SH3RF1: variants seen among roughly 807,000 people sequenced by gnomAD.
SH3RF1 encodes the protein SH3 domain containing ring finger 1.
In SH3RF1, 32 loss-of-function variants were observed where a neutral mutation model predicts 74.0. That is an observed-to-expected ratio of 0.43 (90% confidence interval 0.33 to 0.58). The LOEUF (loss-of-function observed/expected upper bound fraction) is 0.58, where lower values mean the gene tolerates loss of function less well. Ranked by LOEUF, SH3RF1 falls within the 20% of genes least tolerant of loss-of-function variation. The pLI is 0.05. For synonymous variants in SH3RF1, 396 were observed against 439.6 expected, an observed-to-expected ratio of 0.90 and a Z score of 1.24; for missense variants, 954 against 1,130.9, an observed-to-expected ratio of 0.84 and a Z score of 2.24.
At chr4:169,151,672 G>A (rs1229479063) in intron 4 of SH3RF1, among the ~76,000 whole-genome samples, 1 of 152,202 alleles carries the variant, frequency 6.6e-6, no homozygotes, top group Non-Finnish European at 1.5e-5. Context: ...AAGAATAGTT[G>A]TCTATGAGGC....
chr4:169,156,484 G>A lies in SH3RF1; in HGVS notation c.589C>T (p.Pro197Ser), dbSNP rs772636183. Residue 197 changes from proline (P) to serine (S), a missense_variant, in exon 3 of 12, where the codon CCC becomes TCC. Coordinates refer to ENST00000284637, the MANE Select transcript of SH3RF1 (RefSeq NM_020870.4). ...FVQIIKPLPQPPPQCKALYDF... is the reference protein window; with the variant it reads ...FVQIIKPLPQSPPQCKALYDF... Reference sequence around the variant, plus strand: ...TAAAGTGCTTTGCACTGAGGTGGGGGCTGAGGTAACGGTTTAATAATCTGC... The same window carrying A: ...TAAAGTGCTTTGCACTGAGGTGGGGACTGAGGTAACGGTTTAATAATCTGC... 4.3e-6 allele frequency: 7 copies of A among 1,613,838 alleles called. No homozygotes were observed. Among genetic ancestry groups the A allele is most frequent in the South Asian group, 1.1e-5 (1 of 91,054 alleles).
In SH3RF1 at chr4:169,122,237, A is replaced by G. The variant is rs1311827541; in HGVS notation, c.1209T>C (p.Pro403=). ...GTLNPPLPPP[P]LLAATVLAST... ...AGGCAAGGACAGTGGCAGCCAGGAGAGGGGGTGGTGGAAGAGGAGGATTCA... is the reference window on the plus strand; with the variant it reads ...AGGCAAGGACAGTGGCAGCCAGGAGGGGGGGTGGTGGAAGAGGAGGATTCA... The change falls in exon 7 of 12, where the codon CCT becomes CCC. Residue 403 remains proline, a synonymous_variant. Transcript: ENST00000284637. 3 of 1,608,898 alleles carry G rather than the reference A, an allele frequency of 1.9e-6. No homozygotes were observed. Among genetic ancestry groups the G allele is most frequent in the Admixed American group, 3.4e-5 (2 of 58,844 alleles).
At chr4:169,183,791 G>GA (rs142675689) in intron 2 of SH3RF1, among the ~76,000 whole-genome samples, 13 of 150,060 alleles carry the variant, frequency 8.7e-5, no homozygotes, top group South Asian at 2.1e-4. Context: ...AAAAAAACTG[G>GA]AAAAAAAAAG....
At chr4:169,108,014 A>G (rs1167371336) in intron 10 of SH3RF1, among the ~76,000 whole-genome samples, 11 of 152,140 alleles carry the variant, frequency 7.2e-5, no homozygotes, top group African/African-American at 2.4e-4. Flanking sequence ...CATCTCTTGA[A>G]TTTTTGTCTC....
intron 11 of SH3RF1, among the ~76,000 whole-genome samples, chr4:169,104,167 C>T (rs1733091909): frequency 2.0e-5 from 3 of 152,194 alleles, no homozygotes; most frequent in East Asian, 3.9e-4. Context: ...GCTGCAGTGC[C>T]CATGCCAGTG....
At chr4:169,109,610 T>C (rs887253933) in intron 10 of SH3RF1, among the ~76,000 whole-genome samples, 1 of 152,214 alleles carries the variant, frequency 6.6e-6, no homozygotes, top group African/African-American at 2.4e-5. Context: ...CAGAAGAATG[T>C]TCCACTTGAG....
intron 9 of SH3RF1, among the ~76,000 whole-genome samples, 174 bp downstream of exon 9, chr4:169,117,349 C>A (rs551288523): frequency 6.6e-6 from 1 of 152,202 alleles, no homozygotes; most frequent in Non-Finnish European, 1.5e-5. Flanking sequence ...TGAAGTAATA[C>A]GCAGGGCACG....
At chr4:169,247,393 G>T (rs1019247726) in intron 2 of SH3RF1, among the ~76,000 whole-genome samples, 2 of 152,186 alleles carry the variant, frequency 1.3e-5, no homozygotes, top group African/African-American at 4.8e-5. Flanking sequence ...TGGTCCAGGG[G>T]AGAGTGATGA....
chr4:169,234,049 G>C (rs868802637), intron 2 of SH3RF1, among the ~76,000 whole-genome samples: 1 of 152,090 alleles, frequency 6.6e-6, no homozygotes, highest in Non-Finnish European at 1.5e-5. Context: ...ATGTCACTCT[G>C]TTAACTCTCA....
rs146400483 is a variant in SH3RF1 at position 169,156,683 on chromosome 4, TA to T, written c.394-5del. The T allele has an allele frequency of 0.057, 74,482 of 1,313,732 alleles. 2,774 individuals are homozygous for T. The highest frequency in any genetic ancestry group is 0.18 in the East Asian group (6,790 of 38,530). The allele number at this position is 1,313,732 out of a possible 1,614,324, so 81.4% of individuals were successfully genotyped here. A position where few individuals can be genotyped will look rare whatever the true frequency, so the allele number is the denominator to read the frequency against. On this transcript the variant is annotated splice_region_variant and splice_polypyrimidine_tract_variant and intron_variant, in intron 2 of 11. Transcript: ENST00000284637. ...CACATGGTAACTGAGGTATACCCTT[TA>T]AAAAAAAAAGAGGGATGAATTTTAA...
chr4:169,217,909 C>CTAAG (rs1202335281), intron 2 of SH3RF1, among the ~76,000 whole-genome samples: 17 of 152,070 alleles, frequency 1.1e-4, no homozygotes, highest in African/African-American at 3.6e-4. Context: ...CTTCATTGAT[C>CTAAG]TAAGCCACTG....
rs559866503 is a variant in SH3RF1, at chr4:169,139,107, A to G, written c.766-2487T>C. 4.6e-5 allele frequency among the ~76,000 whole-genome samples: 7 copies of G among 152,252 alleles called. No individual in the cohort carries two copies. The East Asian group carries it at 1.3e-3, about 29-fold the overall frequency. On this transcript the variant is annotated intron_variant, in intron 4 of 11. Coordinates refer to ENST00000284637, the MANE Select transcript of SH3RF1 (RefSeq NM_020870.4). Reference sequence around the variant, plus strand: ...GTTGGGACTATAGGTATGCAACACCACACCCAGCTAATTTTAGTAGCAATG... The same window carrying G: ...GTTGGGACTATAGGTATGCAACACCGCACCCAGCTAATTTTAGTAGCAATG...
At chr4:169,195,957 G>A (rs1209986990) in intron 2 of SH3RF1, among the ~76,000 whole-genome samples, 2 of 151,850 alleles carry the variant, frequency 1.3e-5, no homozygotes, top group African/African-American at 4.8e-5. Context: ...CAGTTTACAG[G>A]TGTGCACCAT....
chr4:169,187,860 G>A (rs903481045), intron 2 of SH3RF1, among the ~76,000 whole-genome samples: 5 of 152,072 alleles, frequency 3.3e-5, no homozygotes, highest in Admixed American at 3.3e-4. Context: ...TAGAAATAGG[G>A]TCTAGGGTCT....
At chr4:169,120,738 A>G (rs902199055) in intron 8 of SH3RF1, 81 bp downstream of exon 8, 23 of 1,458,906 alleles carry the variant, frequency 1.6e-5, no homozygotes, top group Non-Finnish European at 2.1e-5. Flanking sequence ...ATGTGAAAGG[A>G]ATCTGGATAG....
At chr4:169,136,258 T>A in intron 5 of SH3RF1, 60 bp downstream of exon 5, 1 of 1,350,922 alleles carries the variant, frequency 7.4e-7, no homozygotes, top group Non-Finnish European at 9.6e-7. Flanking sequence ...GCAAACATGT[T>A]TGTAAGTTGA....
At chr4:169,220,698 A>T (rs62334169) in intron 2 of SH3RF1, among the ~76,000 whole-genome samples, 21,834 of 152,236 alleles carry the variant, frequency 0.14, 2,044 homozygotes, top group Non-Finnish European at 0.21. Context: ...ACTGACCCGC[A>T]AACTCTATAG....
intron 2 of SH3RF1, among the ~76,000 whole-genome samples, chr4:169,192,574 G>A (rs777903919): frequency 7.9e-5 from 12 of 152,066 alleles, no homozygotes; most frequent in South Asian, 2.1e-4. Context: ...GGAAAACAGC[G>A]TGGAGATTCC....
intron 10 of SH3RF1, among the ~76,000 whole-genome samples, chr4:169,110,892 T>A (rs1733232015): frequency 6.6e-6 from 1 of 152,180 alleles, no homozygotes; most frequent in Non-Finnish European, 1.5e-5. Flanking sequence ...TCTGAAGTTA[T>A]GCGTAGAAAA....
Sources: allele counts gnomAD v4.1 joint callset (sites outside exome capture counted in the v4.1 genomes callset), GRCh38; gene constraint gnomAD v4.1.1; transcripts MANE v1.5; gene names NCBI Gene and HGNC (gene_info 2026-07-23, HGNC 2026-07-21).